RPSA2: variants seen among roughly 807,000 people sequenced by gnomAD.
RPSA2 encodes the protein small ribosomal subunit protein uS2B.
At chr19:23,871,000 G>A in the RPSA2 span, among the ~76,000 whole-genome samples, 19 of 152,146 alleles carry the variant, frequency 1.2e-4, no homozygotes, top group African/African-American at 3.1e-4. Flanking sequence ...GGAGCCTACT[G>A]TTTAAAGAAT....
chr19:23,850,552 G>A, the RPSA2 span, among the ~76,000 whole-genome samples: 4 of 150,202 alleles, frequency 2.7e-5, no homozygotes, highest in Non-Finnish European at 4.4e-5. Context: ...TGACACAGAC[G>A]TCTTTTCTCT....
At chr19:23,840,345 T>C in the RPSA2 span, among the ~76,000 whole-genome samples, 4 of 152,166 alleles carry the variant, frequency 2.6e-5, no homozygotes, top group Admixed American at 2.0e-4. Flanking sequence ...ATATCACAAA[T>C]AGTACCTTGA....
At chr19:23,868,403 A>G in the RPSA2 span, among the ~76,000 whole-genome samples, 1 of 152,200 alleles carries the variant, frequency 6.6e-6, no homozygotes, top group Admixed American at 6.5e-5. Flanking sequence ...TGCTTATACT[A>G]GTCATGCTTT....
chr19:23,860,986 T>C, the RPSA2 span, among the ~76,000 whole-genome samples: 1 of 147,200 alleles, frequency 6.8e-6, no homozygotes, highest in Non-Finnish European at 1.5e-5. Flanking sequence ...TTCCTCTCAC[T>C]GTCCTCCAGT....
At chr19:23,861,588 A>G in the RPSA2 span, among the ~76,000 whole-genome samples, 1 of 152,126 alleles carries the variant, frequency 6.6e-6, no homozygotes, top group Admixed American at 6.6e-5. Flanking sequence ...TCAGTCTACC[A>G]GCGTTCTGCT....
the RPSA2 span, among the ~76,000 whole-genome samples, chr19:23,864,918 G>A: frequency 5.9e-5 from 9 of 152,208 alleles, no homozygotes; most frequent in South Asian, 1.9e-3. Context: ...CACAATAAAT[G>A]TGAAGGGCTC....
the RPSA2 span, chr19:23,833,142 A>T: frequency 1.7e-6 from 2 of 1,201,268 alleles, no homozygotes; most frequent in Non-Finnish European, 2.1e-6. Flanking sequence ...AACCCTACAA[A>T]TGGGAAGAAT....
chr19:23,853,877 GT>G, the RPSA2 span, among the ~76,000 whole-genome samples: 2 of 152,206 alleles, frequency 1.3e-5, no homozygotes, highest in Admixed American at 1.3e-4. Context: ...TCCCATGTTA[GT>G]GGGATGTTTA....
the RPSA2 span, among the ~76,000 whole-genome samples, chr19:23,771,276 A>G: frequency 7.5e-4 from 115 of 152,334 alleles, no homozygotes; most frequent in Admixed American, 2.0e-3. Flanking sequence ...TGTCATGTTA[A>G]TTCAGTCCAT....
the RPSA2 span, among the ~76,000 whole-genome samples, chr19:23,831,350 ACTTC>A: frequency 2.6e-5 from 4 of 152,070 alleles, no homozygotes; most frequent in African/African-American, 9.7e-5. Flanking sequence ...TGAATTTAAC[ACTTC>A]CTTTTTTTCT....
the RPSA2 span, among the ~76,000 whole-genome samples, chr19:23,844,142 G>C: frequency 9.9e-5 from 15 of 152,214 alleles, no homozygotes; most frequent in African/African-American, 3.6e-4. Flanking sequence ...TTGCCTGTTT[G>C]TGGGGGCTAT....
the RPSA2 span, among the ~76,000 whole-genome samples, chr19:23,796,425 T>TG: frequency 6.6e-6 from 1 of 151,742 alleles, no homozygotes. Flanking sequence ...GCCTGATTTT[T>TG]TTTTTTTTAA....
the RPSA2 span, among the ~76,000 whole-genome samples, chr19:23,797,640 T>G: frequency 6.6e-6 from 1 of 152,220 alleles, no homozygotes; most frequent in Non-Finnish European, 1.5e-5. Flanking sequence ...GTTTTGTTAA[T>G]TTTCTTCTTC....
At chr19:23,767,852 C>T in the RPSA2 span, among the ~76,000 whole-genome samples, 3 of 151,086 alleles carry the variant, frequency 2.0e-5, no homozygotes, top group African/African-American at 7.3e-5. Context: ...CCACAACCTC[C>T]GCCTCCCGGG....
chr19:23,815,542 ACACT>A, the RPSA2 span, among the ~76,000 whole-genome samples: 1 of 152,150 alleles, frequency 6.6e-6, no homozygotes, highest in African/African-American at 2.4e-5. Flanking sequence ...GCTTGCTGAG[ACACT>A]CACCAGAAGC....
the RPSA2 span, among the ~76,000 whole-genome samples, chr19:23,814,737 TTA>T: frequency 6.6e-6 from 1 of 152,196 alleles, no homozygotes; most frequent in Non-Finnish European, 1.5e-5. Context: ...TTTTATTTTC[TTA>T]TATTTTTGGA....
At chr19:23,768,830 C>T in the RPSA2 span, among the ~76,000 whole-genome samples, 2 of 151,086 alleles carry the variant, frequency 1.3e-5, no homozygotes, top group African/African-American at 4.9e-5. Context: ...TCAGCCAATC[C>T]GCCCGCCTCA....
At chr19:23,806,834 G>A in the RPSA2 span, among the ~76,000 whole-genome samples, 1 of 151,216 alleles carries the variant, frequency 6.6e-6, no homozygotes, top group Non-Finnish European at 1.5e-5. Flanking sequence ...TGCTTATTTG[G>A]GTGCTAAAGA....
At chr19:23,863,525 C>G in the RPSA2 span, among the ~76,000 whole-genome samples, 1 of 147,404 alleles carries the variant, frequency 6.8e-6, no homozygotes, top group Admixed American at 6.8e-5. Context: ...GATCACACCA[C>G]TGTACTCCAG....
Sources: allele counts gnomAD v4.1 joint callset (sites outside exome capture counted in the v4.1 genomes callset), GRCh38; gene constraint gnomAD v4.1.1; transcripts MANE v1.5; gene names NCBI Gene and HGNC (gene_info 2026-07-23, HGNC 2026-07-21).